STK33: variants seen among roughly 807,000 people sequenced by gnomAD.
The protein encoded by STK33 is serine/threonine kinase 33, also known as serine/threonine-protein kinase 33.
STK33 carries 52 observed loss-of-function variants against 58.0 expected under a neutral mutation model. The ratio of observed to expected loss-of-function variants is 0.90; its 90% CI spans 0.72 to 1.13. The LOEUF (loss-of-function observed/expected upper bound fraction) is 1.13. Among genes scored for constraint, STK33 ranks in the 50% most tolerant of loss-of-function variants. The pLI, the probability that STK33 is intolerant of heterozygous loss-of-function variation, is 0.00. For missense variants in STK33, 630 were observed against 604.2 expected, an observed-to-expected ratio of 1.04 and a Z score of -0.45; for synonymous variants, 215 against 200.1, an observed-to-expected ratio of 1.07 and a Z score of -0.63.
intron 4 of STK33, chr11:8,475,720 T>G (rs1230816290): frequency 6.6e-6 from 1 of 152,166 alleles, no homozygotes; most frequent in Non-Finnish European, 1.5e-5. Flanking sequence ...GGCAGCTGCA[T>G]GGTGGCAAGT....
At chr11:8,369,859 G>T in the STK33 span, among the ~76,000 whole-genome samples, 3 of 152,218 alleles carry the variant, frequency 2.0e-5, no homozygotes, top group Non-Finnish European at 4.4e-5. Flanking sequence ...AGATGCTAGG[G>T]CTTTAGCCTA....
At chr11:8,570,108 A>G (rs1957705594) in intron 1 of STK33, among the ~76,000 whole-genome samples, 1 of 152,206 alleles carries the variant, frequency 6.6e-6, no homozygotes, top group Non-Finnish European at 1.5e-5. Context: ...AAAAATAGGC[A>G]AAAGAACAGA....
At chr11:8,490,658 T>C (rs770572868) in intron 1 of STK33, among the ~76,000 whole-genome samples, 13 of 152,082 alleles carry the variant, frequency 8.5e-5, no homozygotes, top group African/African-American at 3.1e-4. Context: ...TGGAGACACC[T>C]TCCAGTAGGG....
intron 1 of STK33, among the ~76,000 whole-genome samples, chr11:8,496,578 A>C (rs1475885002): frequency 4.2e-5 from 6 of 142,838 alleles, no homozygotes; most frequent in African/African-American, 1.5e-4. Context: ...GTGATATTTC[A>C]TTTTTTTTTT....
chr11:8,339,646 G>C, the STK33 span, among the ~76,000 whole-genome samples: 6 of 152,194 alleles, frequency 3.9e-5, no homozygotes, highest in African/African-American at 1.4e-4. Flanking sequence ...GCTGACCCGT[G>C]CACAGCCACA....
At chr11:8,430,540 A>T (rs1414849549) in intron 14 of STK33, among the ~76,000 whole-genome samples, 1 of 152,226 alleles carries the variant, frequency 6.6e-6, no homozygotes, top group East Asian at 1.9e-4. Context: ...TAAAGTTTTA[A>T]GAAAGTTTAC....
At chr11:8,366,482 G>A in the STK33 span, among the ~76,000 whole-genome samples, 1 of 152,148 alleles carries the variant, frequency 6.6e-6, no homozygotes, top group Non-Finnish European at 1.5e-5. Context: ...AGACGGGGTC[G>A]GGGGAGGCTC....
chr11:8,469,352 G>A (rs907302336), intron 6 of STK33, among the ~76,000 whole-genome samples: 18 of 152,130 alleles, frequency 1.2e-4, no homozygotes, highest in Admixed American at 1.1e-3. Context: ...CACTTTCTTT[G>A]CTCATCCATA....
chr11:8,577,978 T>C (rs1420142442), intron 1 of STK33, among the ~76,000 whole-genome samples: 1 of 152,096 alleles, frequency 6.6e-6, no homozygotes, highest in East Asian at 1.9e-4. Flanking sequence ...CAGTGAGTCA[T>C]TTTTTCTTTA....
chr11:8,481,330 A>G (rs191248159), intron 1 of STK33, among the ~76,000 whole-genome samples: 42 of 152,342 alleles, frequency 2.8e-4, no homozygotes, highest in Admixed American at 2.2e-3. Flanking sequence ...TAATTTAATA[A>G]AACAGAAACA....
At chr11:8,336,567 T>C in the STK33 span, among the ~76,000 whole-genome samples, 2 of 152,224 alleles carry the variant, frequency 1.3e-5, no homozygotes, top group East Asian at 3.8e-4. Context: ...GTAAGGAAAG[T>C]GCACGCAGGC....
chr11:8,458,202 C>T (rs182982627), intron 8 of STK33, among the ~76,000 whole-genome samples: 35 of 152,100 alleles, frequency 2.3e-4, no homozygotes, highest in Non-Finnish European at 4.4e-4. Context: ...GAGATCAGAC[C>T]CAATAGCAAA....
intron 2 of STK33, among the ~76,000 whole-genome samples, chr11:8,480,125 C>T (rs1231502394): frequency 6.6e-6 from 1 of 152,242 alleles, no homozygotes; most frequent in African/African-American, 2.4e-5. Context: ...TAGACTTCTA[C>T]GTGATTTGAA....
At chr11:8,558,575 CAGAA>C (rs1474354019) in intron 1 of STK33, among the ~76,000 whole-genome samples, 1 of 151,914 alleles carries the variant, frequency 6.6e-6, no homozygotes, top group Non-Finnish European at 1.5e-5. Flanking sequence ...TCAAGGGTGC[CAGAA>C]AGAAGGTTAT....
chr11:8,586,927 C>G (rs2031760754), intron 1 of STK33, among the ~76,000 whole-genome samples: 1 of 151,442 alleles, frequency 6.6e-6, no homozygotes, highest in Admixed American at 6.6e-5. Context: ...ATCCCAAAAA[C>G]CTAGCATAGT....
intron 10 of STK33, among the ~76,000 whole-genome samples, chr11:8,454,398 ACG>A (rs1946613604): frequency 6.6e-6 from 1 of 152,210 alleles, no homozygotes; most frequent in African/African-American, 2.4e-5. Context: ...TCAAAAGCAC[ACG>A]CAAGGTGTGC....
chr11:8,359,767 G>A, the STK33 span, among the ~76,000 whole-genome samples: 2 of 152,368 alleles, frequency 1.3e-5, no homozygotes, highest in African/African-American at 4.8e-5. Context: ...TCGGGGGCAA[G>A]GGCCTGACAC....
At chr11:8,390,679 A>G (rs1347465533), downstream of STK33, among the ~76,000 whole-genome samples, 8 of 152,220 alleles carry the variant, frequency 5.3e-5, no homozygotes, top group Non-Finnish European at 1.2e-4. Flanking sequence ...AATAGAATGC[A>G]TCATATGACA....
intron 1 of STK33, among the ~76,000 whole-genome samples, chr11:8,510,642 AT>A (rs1324530440): frequency 2.0e-5 from 3 of 152,102 alleles, no homozygotes; most frequent in Non-Finnish European, 4.4e-5. Flanking sequence ...CAAGTCTTAG[AT>A]TTGAGTCTTT....
Sources: allele counts gnomAD v4.1 joint callset (sites outside exome capture counted in the v4.1 genomes callset), GRCh38; gene constraint gnomAD v4.1.1; transcripts MANE v1.5; gene names NCBI Gene and HGNC (gene_info 2026-07-23, HGNC 2026-07-21).